The following IFNA14 variants were observed in gnomAD, a reference collection of about 807,000 sequenced individuals.
IFNA14 encodes the protein interferon alpha-14.
For synonymous variants in IFNA14, 113 were observed against 76.8 expected (o/e 1.47, Z -2.46); for missense variants, 337 against 214.9 (o/e 1.57, Z -3.55).
chr9:21,239,739 A>C lies in IFNA14; in HGVS notation c.197T>G (p.Phe66Cys). The C allele has an allele frequency of 1.2e-6, 2 of 1,614,162 alleles. No individual in the cohort carries two copies. Among genetic ancestry groups the C allele is most frequent in the Non-Finnish European group, 8.5e-7 (1 of 1,180,036 alleles). Reference protein sequence around the residue: ...RHDFEFPQEEFDGNQFQKAQA... With the variant: ...RHDFEFPQEECDGNQFQKAQA... ...AGCTTTCTGGAACTGGTTGCCATCAAATTCCTCCTGGGGAAATTCAAAGTC... is the reference window on the plus strand; with the variant it reads ...AGCTTTCTGGAACTGGTTGCCATCACATTCCTCCTGGGGAAATTCAAAGTC... The change falls in exon 1 of 1, where the codon TTT (phenylalanine) becomes TGT (cysteine). Residue 66 changes from phenylalanine (F) to cysteine (C), a missense_variant. Physicochemically the swap from Phe to Cys is radical, Grantham distance 205. Coordinates refer to ENST00000380222, the MANE Select transcript of IFNA14 (RefSeq NM_002172.3).
At position 21,239,354 on chromosome 9, in the gene IFNA14, A is replaced by G. The variant is rs192088248; in HGVS notation, c.*12T>C. On this transcript the variant is annotated 3_prime_UTR_variant, in exon 1 of 1. Transcript: ENST00000380222. Reference sequence around the variant, plus strand: ...TTAGTCAATGAGAATCATTTCCATGATGAACCAGTTTTCAATCCTTCCTCC... The same window carrying G: ...TTAGTCAATGAGAATCATTTCCATGGTGAACCAGTTTTCAATCCTTCCTCC... 8.7e-6 allele frequency: 14 copies of G among 1,606,082 alleles called. No individual in the cohort carries two copies. In the Admixed American group the frequency reaches 1.8e-4, roughly 21 times the overall value.
rs369368330 is a variant in IFNA14 at position 21,239,945 on chromosome 9, C to G, written c.-10G>C. ...CAAAGGGCAATGCCATTGGGAATCC[C>G]GAAGATGCTGCTGGGCTGGTTGATG... On this transcript the variant is annotated 5_prime_UTR_variant, in exon 1 of 1. Coordinates refer to ENST00000380222, the MANE Select transcript of IFNA14 (RefSeq NM_002172.3). The G allele has an allele frequency of 1.1e-5, 17 of 1,612,588 alleles. No individual in the cohort carries two copies. Among genetic ancestry groups the G allele is most frequent in the Non-Finnish European group, 1.1e-5 (13 of 1,178,818 alleles).
Position 21,239,427 on chromosome 9 carries a change from T to G in IFNA14, c.509A>C (p.Glu170Ala). Residue 170 changes from glutamate (E) to alanine (A), a missense_variant, in exon 1 of 1, where the codon GAA becomes GCA. Transcript: ENST00000380222. ...TGAAAAAGAGAGGGATCTCATGATT[T>G]CTGCTCTGACAACCTCCCAGGCACA... ...SPCAWEVVRA[E>A]IMRSLSFSTN... 6.2e-7 allele frequency: 1 copy of G among 1,614,184 alleles called. No homozygotes were observed. The highest frequency in any genetic ancestry group is 8.5e-7 in the Non-Finnish European group (1 of 1,180,024).
chr9:21,239,521 A>G lies in IFNA14; in HGVS notation c.415T>C (p.Ser139Pro), dbSNP rs1189931746. ...AAGTATTTCTTCACAGCCAGGATGG[A>G]GTCCTCATTCATCAGGGGAGTCTCT... Reference protein sequence around the residue: ...VEETPLMNEDSILAVKKYFQR... With the variant: ...VEETPLMNEDPILAVKKYFQR... Residue 139 changes from serine to proline, a missense_variant, in exon 1 of 1, where the codon TCC becomes CCC. Coordinates refer to ENST00000380222, the MANE Select transcript of IFNA14 (RefSeq NM_002172.3). 6.2e-7 allele frequency: 1 copy of G among 1,614,038 alleles called. No homozygotes were observed. The highest frequency in any genetic ancestry group is 8.5e-7 in the Non-Finnish European group (1 of 1,180,032).
chr9:21,239,762 G>A lies in IFNA14; in HGVS notation c.174C>T (p.Asp58=). 1 of 1,614,138 alleles carries A rather than the reference G, an allele frequency of 6.2e-7. No homozygotes were observed. ...CAAATTCCTCCTGGGGAAATTCAAA[G>A]TCATGTCTGTCCTTCAGGCAGGAGA... The part of the protein sequence containing the change: ...SPFSCLKDRH[D]FEFPQEEFDG... The change falls in exon 1 of 1, where the codon GAC becomes GAT. Residue 58 remains aspartate (D), a synonymous_variant. Coordinates refer to ENST00000380222, the MANE Select transcript of IFNA14 (RefSeq NM_002172.3).
chr9:21,239,987 C>T lies in IFNA14; in HGVS notation c.-52G>A, dbSNP rs766877719. 6.6e-7 allele frequency: 1 copy of T among 1,508,226 alleles called. No homozygotes were observed. The highest frequency in any genetic ancestry group is 1.4e-5 in the African/African-American group (1 of 72,524). The allele number at this position is 1,508,226 out of a possible 1,614,324, so 93.4% of individuals were successfully genotyped here. On this transcript the variant is annotated 5_prime_UTR_variant, in exon 1 of 1. Coordinates refer to ENST00000380222, the MANE Select transcript of IFNA14 (RefSeq NM_002172.3). ...TGGTTGATGAGGGGTAACACTGAAC[C>T]TTGGGTTGTAGGTTTTCTGAAGACC... is the stretch of plus-strand genomic sequence containing the variant.
chr9:21,239,477 A>G lies in IFNA14; in HGVS notation c.459T>C (p.Tyr153=), dbSNP rs777740562. 2 of 1,614,158 alleles carry G rather than the reference A, an allele frequency of 1.2e-6. No homozygotes were observed. Among genetic ancestry groups the G allele is most frequent in the East Asian group, 4.5e-5 (2 of 44,886 alleles). ...VKKYFQRITL[Y]LMEKKYSPCA... ...AAGGGCTGTATTTCTTCTCCATCAGATAAAGAGTGATTCTTTGGAAGTATT... is the reference window on the plus strand; with the variant it reads ...AAGGGCTGTATTTCTTCTCCATCAGGTAAAGAGTGATTCTTTGGAAGTATT... The change falls in exon 1 of 1, where the codon TAT becomes TAC. Residue 153 remains tyrosine, a synonymous_variant. Transcript: ENST00000380222.
chr9:21,239,861 A>G lies in IFNA14; in HGVS notation c.75T>C (p.Asn25=), dbSNP rs1818861932. The G allele has an allele frequency of 1.2e-6, 2 of 1,614,100 alleles. No individual in the cohort carries two copies. The highest frequency in any genetic ancestry group is 1.7e-6 in the Non-Finnish European group (2 of 1,180,000). ...SCKSSCSLGC[N]LSQTHSLNNR... ...TATTCAGGCTGTGGGTTTGAGACAG[A>G]TTACAGCCCAGAGAGCAGCTTGACT... Residue 25 remains asparagine (N), a synonymous_variant, in exon 1 of 1, where the codon AAT becomes AAC. Coordinates refer to ENST00000380222, the MANE Select transcript of IFNA14 (RefSeq NM_002172.3).
rs1212718766 is a variant in IFNA14, at chr9:21,239,737, C to T, written c.199G>A (p.Asp67Asn). The change falls in exon 1 of 1, where the codon GAT (aspartate) becomes AAT (asparagine). Residue 67 changes from aspartate to asparagine, a missense_variant. Physicochemically the swap from Asp to Asn is conservative, Grantham distance 23. Coordinates refer to ENST00000380222, the MANE Select transcript of IFNA14 (RefSeq NM_002172.3). The stretch of plus-strand genomic sequence containing the variant: ...TGAGCTTTCTGGAACTGGTTGCCAT[C>T]AAATTCCTCCTGGGGAAATTCAAAG... Reference protein sequence around the residue: ...HDFEFPQEEFDGNQFQKAQAI... With the variant: ...HDFEFPQEEFNGNQFQKAQAI... The T allele has an allele frequency of 3.1e-6, 5 of 1,614,018 alleles. No homozygotes were observed. The highest frequency in any genetic ancestry group is 4.2e-6 in the Non-Finnish European group (5 of 1,180,030).
chr9:21,239,805 A>T lies in IFNA14; in HGVS notation c.131T>A (p.Met44Lys). 6.2e-7 allele frequency: 1 copy of T among 1,614,112 alleles called. No homozygotes were observed. The highest frequency in any genetic ancestry group is 8.5e-7 in the Non-Finnish European group (1 of 1,180,008). ...GCAGGAGAAAGGAGAGATTCTCCTC[A>T]TTTGTGCCATGAGCATCAAAGTCCT... The part of the protein sequence containing the change: ...NRRTLMLMAQ[M>K]RRISPFSCLK... The change falls in exon 1 of 1, where the codon ATG (methionine) becomes AAG (lysine). Residue 44 changes from methionine (M) to lysine (K), a missense_variant. Met to Lys is a moderately conservative substitution (Grantham distance 95). Transcript: ENST00000380222.
Position 21,239,511 on chromosome 9 carries a change from G to T in IFNA14, c.425C>A (p.Ala142Asp), listed in dbSNP as rs773782668. The T allele has an allele frequency of 9.9e-5, 159 of 1,613,948 alleles. No individual in the cohort carries two copies. The highest frequency in any genetic ancestry group is 1.3e-4 in the Non-Finnish European group (150 of 1,180,018). Residue 142 changes from alanine to aspartate, a missense_variant, in exon 1 of 1, where the codon GCT becomes GAT. Transcript: ENST00000380222. ...GATTCTTTGGAAGTATTTCTTCACA[G>T]CCAGGATGGAGTCCTCATTCATCAG... Reference protein sequence around the residue: ...TPLMNEDSILAVKKYFQRITL... With the variant: ...TPLMNEDSILDVKKYFQRITL...
rs1217979999 is a variant in IFNA14 at position 21,239,244 on chromosome 9, T to C, written c.*122A>G. ...TGCTTCTTTACACTCCTGAAAACATTTGAAAATTTTGATTCAACTTGTGGT... is the reference window on the plus strand; with the variant it reads ...TGCTTCTTTACACTCCTGAAAACATCTGAAAATTTTGATTCAACTTGTGGT... On this transcript the variant is annotated 3_prime_UTR_variant, in exon 1 of 1. Transcript: ENST00000380222. The C allele has an allele frequency of 6.5e-7, 1 of 1,535,902 alleles. No homozygotes were observed. The highest frequency in any genetic ancestry group is 2.3e-5 in the East Asian group (1 of 44,416).
At position 21,239,593 on chromosome 9, in the gene IFNA14, G is replaced by T. The variant is rs748098412; in HGVS notation, c.343C>A (p.Gln115Lys). ...ACACAGGCTTCCAGGTCATTCATTT[G>T]CTGGAAAAGTTCAATGTAGAATTTT... is the stretch of plus-strand genomic sequence containing the variant. The part of the protein sequence containing the change: ...LEKFYIELFQ[Q>K]MNDLEACVIQ... The change falls in exon 1 of 1, where the codon CAA becomes AAA. Residue 115 changes from glutamine (Q) to lysine (K), a missense_variant. Coordinates refer to ENST00000380222, the MANE Select transcript of IFNA14 (RefSeq NM_002172.3). 6.2e-7 allele frequency: 1 copy of T among 1,613,854 alleles called. No homozygotes were observed. Among genetic ancestry groups the T allele is most frequent in the Non-Finnish European group, 8.5e-7 (1 of 1,179,968 alleles).
In IFNA14 at chr9:21,239,546, T is replaced by C; in HGVS notation, c.390A>G (p.Glu130=). ...EACVIQEVGV[E]ETPLMNEDSI... ...AGTCCTCATTCATCAGGGGAGTCTCTTCCACCCCAACCTCCTGTATCACAC... is the reference window on the plus strand; with the variant it reads ...AGTCCTCATTCATCAGGGGAGTCTCCTCCACCCCAACCTCCTGTATCACAC... The change falls in exon 1 of 1, where the codon GAA becomes GAG. Residue 130 remains glutamate, a synonymous_variant. Transcript: ENST00000380222. 3 of 1,614,088 alleles carry C rather than the reference T, an allele frequency of 1.9e-6. No individual in the cohort carries two copies. The highest frequency in any genetic ancestry group is 2.5e-6 in the Non-Finnish European group (3 of 1,179,996).
In IFNA14 at chr9:21,239,265, G is replaced by C. The variant is rs1211045996; in HGVS notation, c.*101C>G. 1.9e-6 allele frequency: 3 copies of C among 1,570,936 alleles called. No individual in the cohort carries two copies. The highest frequency in any genetic ancestry group is 2.8e-5 in the African/African-American group (2 of 72,418). ...ACATTTGAAAATTTTGATTCAACTT[G>C]TGGTGGTTATAGGAGAAGTGAGTCT... On this transcript the variant is annotated 3_prime_UTR_variant, in exon 1 of 1. Coordinates refer to ENST00000380222, the MANE Select transcript of IFNA14 (RefSeq NM_002172.3).
rs1818844439 is a variant in IFNA14, at chr9:21,239,236, G to A, written c.*130C>T. 8 of 1,509,548 alleles carry A rather than the reference G, an allele frequency of 5.3e-6. No homozygotes were observed. The South Asian group carries it at 1.0e-4, about 20-fold the overall frequency. The allele number at this position is 1,509,548 out of a possible 1,614,324, so 93.5% of individuals were successfully genotyped here. A position where few individuals can be genotyped will look rare whatever the true frequency, so the allele number is the denominator to read the frequency against. On this transcript the variant is annotated 3_prime_UTR_variant, in exon 1 of 1. Coordinates refer to ENST00000380222, the MANE Select transcript of IFNA14 (RefSeq NM_002172.3). ...ATACATGATGCTTCTTTACACTCCT[G>A]AAAACATTTGAAAATTTTGATTCAA...
chr9:21,239,766 T>C lies in IFNA14; in HGVS notation c.170A>G (p.His57Arg). 6.2e-7 allele frequency: 1 copy of C among 1,614,162 alleles called. No individual in the cohort carries two copies. Among genetic ancestry groups the C allele is most frequent in the Non-Finnish European group, 8.5e-7 (1 of 1,180,020 alleles). The change falls in exon 1 of 1, where the codon CAT becomes CGT. Residue 57 changes from histidine to arginine, a missense_variant. Coordinates refer to ENST00000380222, the MANE Select transcript of IFNA14 (RefSeq NM_002172.3). ...TTCCTCCTGGGGAAATTCAAAGTCA[T>C]GTCTGTCCTTCAGGCAGGAGAAAGG... is the stretch of plus-strand genomic sequence containing the variant. ...ISPFSCLKDR[H>R]DFEFPQEEFD...
Position 21,239,192 on chromosome 9 carries a change from G to T in IFNA14, c.*174C>A, listed in dbSNP as rs991130233. ...GACATCAGCATGGTCATCTGTAAAGGACTAGTGCCTGCACAGGTATACATG... is the reference window on the plus strand; with the variant it reads ...GACATCAGCATGGTCATCTGTAAAGTACTAGTGCCTGCACAGGTATACATG... On this transcript the variant is annotated 3_prime_UTR_variant, in exon 1 of 1. Coordinates refer to ENST00000380222, the MANE Select transcript of IFNA14 (RefSeq NM_002172.3). The T allele has an allele frequency of 2.9e-5, 27 of 940,620 alleles. No homozygotes were observed. The African/African-American group carries it at 3.2e-4, about 11-fold the overall frequency. 58.3% of individuals were successfully genotyped at this position (940,620 alleles called of 1,614,324 possible).
In IFNA14 at chr9:21,239,376, C is replaced by T. The variant is rs145743918; in HGVS notation, c.560G>A (p.Arg187Lys). ...FSTNLQKRLR[R>K]KD is the part of the protein sequence containing the mutation. ...ATGATGAACCAGTTTTCAATCCTTC[C>T]TCCTTAATCTTTTTTGCAAGTTTGT... The change falls in exon 1 of 1, where the codon AGG becomes AAG. Residue 187 changes from arginine (R) to lysine (K), a missense_variant. By Grantham distance (26) the Arg-to-Lys change is conservative. Coordinates refer to ENST00000380222, the MANE Select transcript of IFNA14 (RefSeq NM_002172.3). 8.0e-4 allele frequency: 1,292 copies of T among 1,613,960 alleles called. 13 individuals are homozygous for T. The Admixed American group carries it at 0.013, about 16-fold the overall frequency.
Sources: allele counts gnomAD v4.1 joint callset, GRCh38; gene constraint gnomAD v4.1.1; transcripts MANE v1.5; gene names NCBI Gene and HGNC (gene_info 2026-07-23, HGNC 2026-07-21).